Variants in BARD1 observed in about 807,000 individuals in gnomAD.
The protein encoded by BARD1 is BRCA1-associated RING domain protein 1.
Under a neutral mutation model 77.0 loss-of-function variants are expected in BARD1, and 73 were observed. The ratio of observed to expected loss-of-function variants is 0.95; its 90% confidence interval spans 0.79 to 1.15. The LOEUF is 1.15. Ranked by LOEUF, BARD1 falls within the 50% of genes most tolerant of loss-of-function variation. BARD1 has a pLI of 0.00. For missense variants in BARD1, 993 were observed against 938.8 expected, an observed-to-expected ratio of 1.06 and a Z score of -0.75; for synonymous variants, 384 against 338.0, an observed-to-expected ratio of 1.14 and a Z score of -1.49.
intron 6 of BARD1, among the ~76,000 whole-genome samples, chr2:214,766,003 A>T (rs1452446329): frequency 1.1e-4 from 17 of 152,188 alleles, no homozygotes; most frequent in Admixed American, 1.1e-3. Context: ...ACCATTGAAA[A>T]CTTAATTTTT....
chr2:214,803,483 G>T (rs572972576), intron 1 of BARD1, among the ~76,000 whole-genome samples: 2 of 152,218 alleles, frequency 1.3e-5, no homozygotes, highest in East Asian at 1.9e-4. Flanking sequence ...GAGGTGGGAC[G>T]TGCGGGCAGC....
rs188314631 is a variant in BARD1, at chr2:214,765,620, G to A, written c.1568+1862C>T. ...AGAACCCTAGAATGAAAACTAGTCA[G>A]TTTCACCTGACCCAAGCAATAATTT... is the stretch of plus-strand genomic sequence containing the variant. On this transcript the variant is annotated intron_variant, in intron 6 of 10. Transcript: ENST00000260947. Among the ~76,000 whole-genome samples the A allele has an allele frequency of 3.0e-3, 461 of 152,304 alleles. 4 individuals carry two copies. Among genetic ancestry groups the A allele is most frequent in the Non-Finnish European group, 4.1e-3 (277 of 68,028 alleles).
rs1574736858 is a variant in BARD1 at position 214,744,963 on chromosome 2, AG to A, written c.1903+103del. The A allele has an allele frequency of 4.8e-6, 5 of 1,036,414 alleles. No individual in the cohort carries two copies. In the East Asian group the frequency reaches 1.3e-4, roughly 27 times the overall value. 64.2% of individuals were successfully genotyped at this position (1,036,414 alleles called of 1,614,324 possible). On this transcript the variant is annotated intron_variant, in intron 9 of 10. Transcript: ENST00000260947. ...TTTCCAAAATGCAGTGACTAACCAG[AG>A]GTAAGAAAATTAACATCAAGTTCCT...
At position 214,798,508 on chromosome 2, in the gene BARD1, C is replaced by G. The variant is rs1256631736; in HGVS notation, c.159-1391G>C. Among the ~76,000 whole-genome samples, 4 of 152,064 alleles carry G rather than the reference C, an allele frequency of 2.6e-5. No homozygotes were observed. The East Asian group carries it at 7.7e-4, about 29-fold the overall frequency. ...AGCTCCTCCTATCATAATATCCTTC[C>G]TTTACCTCTTTTATTACATCGCCCT... On this transcript the variant is annotated intron_variant, in intron 1 of 10. Transcript: ENST00000260947.
chr2:214,770,664 G>A (rs1035146206), intron 4 of BARD1, among the ~76,000 whole-genome samples: 5 of 152,176 alleles, frequency 3.3e-5, no homozygotes, highest in Non-Finnish European at 7.3e-5. Flanking sequence ...TGTGTGTCAT[G>A]ATCCAACTAA....
At chr2:214,797,277 A>G (rs1695802982) in intron 1 of BARD1, among the ~76,000 whole-genome samples, 160 bp from the exon 2 acceptor site, 1 of 152,218 alleles carries the variant, frequency 6.6e-6, no homozygotes, top group African/African-American at 2.4e-5. Context: ...CTCCCTGGTT[A>G]AATATTGTAC....
intron 9 of BARD1, 149 bp from the exon 10 acceptor site, chr2:214,730,657 T>C (rs1692316353): frequency 1.5e-6 from 1 of 686,846 alleles, no homozygotes; most frequent in Non-Finnish European, 2.6e-6. Flanking sequence ...ATCTTACTTA[T>C]GCCAAAACAA....
At chr2:214,758,229 C>G (rs1317245187) in intron 6 of BARD1, among the ~76,000 whole-genome samples, 2 of 152,146 alleles carry the variant, frequency 1.3e-5, no homozygotes, top group Non-Finnish European at 2.9e-5. Flanking sequence ...TATGACTTTA[C>G]ACGAATTACT....
chr2:214,763,105 A>G (rs750738659), intron 6 of BARD1, among the ~76,000 whole-genome samples: 3 of 152,070 alleles, frequency 2.0e-5, no homozygotes, highest in Non-Finnish European at 4.4e-5. Context: ...TTACATCACT[A>G]ACGGAAGTTC....
chr2:214,796,980 CATT>C (rs1315819272), intron 2 of BARD1, 78 bp downstream of exon 2: 2 of 1,075,968 alleles, frequency 1.9e-6, no homozygotes, highest in East Asian at 2.4e-5. Context: ...CATCAAGTAC[CATT>C]ATTATCAACA....
At chr2:214,738,225 C>A (rs10932567) in intron 9 of BARD1, among the ~76,000 whole-genome samples, 152,304 of 152,316 alleles carry the variant, frequency 1, 76,146 homozygotes, top group Non-Finnish European at 1. Context: ...TTAGCTATTA[C>A]AACTAGAGAT....
intron 3 of BARD1, among the ~76,000 whole-genome samples, chr2:214,790,300 A>C (rs1695458000): frequency 6.6e-6 from 1 of 152,122 alleles, no homozygotes; most frequent in Non-Finnish European, 1.5e-5. Flanking sequence ...CTAACCCCCC[A>C]GTAACTTAGA....
intron 1 of BARD1, among the ~76,000 whole-genome samples, chr2:214,800,943 T>C (rs1348224273): frequency 2.0e-5 from 3 of 151,892 alleles, no homozygotes; most frequent in African/African-American, 7.3e-5. Flanking sequence ...TCTTTGAGAA[T>C]AGTTAGGAAG....
At chr2:214,799,530 T>C (rs956789270) in intron 1 of BARD1, among the ~76,000 whole-genome samples, 2 of 152,178 alleles carry the variant, frequency 1.3e-5, no homozygotes, top group Non-Finnish European at 2.9e-5. Flanking sequence ...CCAGTCATCT[T>C]ACCCTTCCTA....
At chr2:214,791,475 T>A (rs906235127) in intron 3 of BARD1, among the ~76,000 whole-genome samples, 1 of 152,214 alleles carries the variant, frequency 6.6e-6, no homozygotes, top group Admixed American at 6.5e-5. Flanking sequence ...TAAAATAGCA[T>A]GATCTGGTCA....
At chr2:214,735,760 T>C (rs578032410) in intron 9 of BARD1, among the ~76,000 whole-genome samples, 2 of 152,154 alleles carry the variant, frequency 1.3e-5, no homozygotes, top group Non-Finnish European at 2.9e-5. Flanking sequence ...GCTGCTTAAA[T>C]TGAGTGTTCT....
intron 1 of BARD1, 83 bp downstream of exon 1, chr2:214,809,328 CG>C (rs1696444706): frequency 1.9e-6 from 3 of 1,569,452 alleles, no homozygotes; most frequent in Admixed American, 3.5e-5. Context: ...AAGGAGGAAA[CG>C]GAAGATTTGA....
intron 1 of BARD1, among the ~76,000 whole-genome samples, chr2:214,798,960 T>C (rs1157063387): frequency 1.3e-5 from 2 of 151,814 alleles, no homozygotes; most frequent in African/African-American, 4.8e-5. Context: ...CTACTAAAAA[T>C]ACAAAAATTA....
At chr2:214,748,810 G>A (rs539822092) in intron 7 of BARD1, among the ~76,000 whole-genome samples, 126 of 152,046 alleles carry the variant, frequency 8.3e-4, no homozygotes, top group African/African-American at 2.7e-3. Flanking sequence ...CCAAGCACTT[G>A]TGCTTGTTTC....
Sources: gnomAD v4.1 joint callset for allele counts (sites outside exome capture counted in the v4.1 genomes callset) on GRCh38, gnomAD v4.1.1 for gene constraint, MANE v1.5 for transcripts, NCBI Gene and HGNC (gene_info 2026-07-23, HGNC 2026-07-21) for gene names.